Variants in EDARADD observed in about 807,000 individuals in gnomAD.
EDARADD encodes EDAR associated via death domain.
Under a neutral mutation model 25.6 loss-of-function variants are expected in EDARADD, and 20 were observed. The ratio of observed to expected loss-of-function variants is 0.78; its 90% confidence interval spans 0.55 to 1.14. The LOEUF (loss-of-function observed/expected upper bound fraction) is 1.14, where lower values mean the gene tolerates loss of function less well. EDARADD is among the 50% of genes most tolerant of loss of function. The probability of loss-of-function intolerance (pLI) is 0.00; values close to 1 mark genes in which losing one functional copy is unlikely to be tolerated. For synonymous variants in EDARADD, 86 were observed against 94.4 expected (o/e 0.91, Z 0.52); for missense variants, 225 against 270.1 (o/e 0.83, Z 1.17).
At position 236,483,200 on chromosome 1, in the gene EDARADD, T is replaced by C; in HGVS notation, c.*551T>C. ...TCAAGATCCATGCCAGGGAGCTCTT[T>C]GACTCTCGTGGGAATCCCACTGTTG... is the stretch of plus-strand genomic sequence containing the variant. On this transcript the variant is annotated 3_prime_UTR_variant, in exon 6 of 6. Coordinates refer to ENST00000334232, the MANE Select transcript of EDARADD (RefSeq NM_145861.4). 1.3e-6 allele frequency: 2 copies of C among 1,578,244 alleles called. No individual in the cohort carries two copies. The highest frequency in any genetic ancestry group is 1.7e-6 in the Non-Finnish European group (2 of 1,149,454).
intron 3 of EDARADD, among the ~76,000 whole-genome samples, chr1:236,364,983 A>AT (rs1360438263): frequency 1.3e-5 from 2 of 152,062 alleles, no homozygotes; most frequent in African/African-American, 4.8e-5. Flanking sequence ...GAAAATATTC[A>AT]TTTTTCACCA....
chr1:236,352,586 G>A (rs1666928928), intron 3 of EDARADD, among the ~76,000 whole-genome samples: 1 of 152,144 alleles, frequency 6.6e-6, no homozygotes, highest in African/African-American at 2.4e-5. Flanking sequence ...GGTGGCTTAC[G>A]CCTGTAATCC....
intron 4 of EDARADD, among the ~76,000 whole-genome samples, chr1:236,435,523 G>T (rs1035326544): frequency 6.6e-6 from 1 of 152,186 alleles, no homozygotes; most frequent in Non-Finnish European, 1.5e-5. Context: ...GGAAGGAATG[G>T]TCACCACCCT....
At chr1:236,393,662 G>T (rs1173896192), upstream of EDARADD, among the ~76,000 whole-genome samples, 4 of 152,034 alleles carry the variant, frequency 2.6e-5, no homozygotes, top group Admixed American at 6.5e-5. Context: ...CTCCCAAAGT[G>T]CTGGGGTTAC....
chr1:236,391,417 T>C (rs950778972), upstream of EDARADD, among the ~76,000 whole-genome samples: 1 of 152,146 alleles, frequency 6.6e-6, no homozygotes, highest in Middle Eastern at 3.2e-3. Context: ...ACTTAGTAAC[T>C]CTTGTTGGGG....
intron 5 of EDARADD, among the ~76,000 whole-genome samples, chr1:236,469,488 AAATAAT>A (rs373192177): frequency 3.3e-5 from 5 of 151,738 alleles, no homozygotes; most frequent in South Asian, 2.1e-4. Flanking sequence ...AATGCTAGCA[AAATAAT>A]AATAATAATA....
chr1:236,367,032 C>T (rs557589319), intron 3 of EDARADD, among the ~76,000 whole-genome samples: 52 of 139,120 alleles, frequency 3.7e-4, no homozygotes, highest in Non-Finnish European at 7.4e-4. Context: ...TGCAGTGAGC[C>T]GAGATTGTAC....
chr1:236,456,487 A>G (rs1280396720), intron 4 of EDARADD, among the ~76,000 whole-genome samples: 2 of 152,248 alleles, frequency 1.3e-5, no homozygotes, highest in South Asian at 2.1e-4. Context: ...TCCAAAACAG[A>G]TAATGATCTG....
intron 5 of EDARADD, among the ~76,000 whole-genome samples, chr1:236,478,307 A>G (rs1659564439): frequency 6.6e-6 from 1 of 151,650 alleles, no homozygotes. Flanking sequence ...CATAATCAGG[A>G]GAGTTGGGGA....
intron 5 of EDARADD, among the ~76,000 whole-genome samples, chr1:236,469,489 A>T (rs2103036296): frequency 6.7e-6 from 1 of 149,154 alleles, no homozygotes; most frequent in Middle Eastern, 3.5e-3. Flanking sequence ...ATGCTAGCAA[A>T]ATAATAATAA....
chr1:236,478,071 C>T (rs1659559005), intron 5 of EDARADD, among the ~76,000 whole-genome samples: 2 of 151,800 alleles, frequency 1.3e-5, no homozygotes, highest in African/African-American at 4.8e-5. Context: ...CCACTGCACT[C>T]CAGCCTGGAT....
rs528533410 is a variant in EDARADD at position 236,366,473 on chromosome 1, C to T, written c.-6+15634C>T. 2.6e-4 allele frequency among the ~76,000 whole-genome samples: 40 copies of T among 152,246 alleles called. No individual in the cohort carries two copies. In the South Asian group the frequency reaches 6.4e-3, roughly 24 times the overall value. On this transcript the variant is annotated intron_variant, in intron 3 of 7. Transcript: ENST00000439430. ...CACCTCTAATCTTTTCTGATAGTTC[C>T]GTCCTTGGCCTTGTGTAGATTCTCT...
At chr1:236,407,545 T>C (rs1395855631) in intron 1 of EDARADD, among the ~76,000 whole-genome samples, 6 of 152,214 alleles carry the variant, frequency 3.9e-5, no homozygotes. Context: ...TCTTGACAAA[T>C]TGTCCTGCTG....
chr1:236,396,437 T>C (rs565517005), intron 1 of EDARADD, among the ~76,000 whole-genome samples: 2 of 152,322 alleles, frequency 1.3e-5, no homozygotes, highest in East Asian at 3.9e-4. Context: ...GGGGCTTTAC[T>C]TGGTTTTGTT....
intron 1 of EDARADD, among the ~76,000 whole-genome samples, chr1:236,399,342 T>C (rs1370584148): frequency 6.6e-6 from 1 of 152,038 alleles, no homozygotes; most frequent in Non-Finnish European, 1.5e-5. Flanking sequence ...CCACCACCCC[T>C]GGCTAATTTT....
chr1:236,484,044 G>C lies in EDARADD; in HGVS notation c.*1395G>C. The C allele has an allele frequency of 6.4e-7, 1 of 1,560,400 alleles. No individual in the cohort carries two copies. The highest frequency in any genetic ancestry group is 1.1e-5 in the South Asian group (1 of 89,950). ...AAACTACCCAGTGGTGTCTACTGAA[G>C]ATCCCTTTGACCAGGATGACTGGGG... On this transcript the variant is annotated 3_prime_UTR_variant, in exon 6 of 6. Coordinates refer to ENST00000334232, the MANE Select transcript of EDARADD (RefSeq NM_145861.4). This position sits in a 1 kb window ranked among gnomAD's most constrained non-coding sequence, Gnocchi z 4.1.
At chr1:236,460,401 G>C (rs1487036754) in intron 4 of EDARADD, among the ~76,000 whole-genome samples, 1 of 151,784 alleles carries the variant, frequency 6.6e-6, no homozygotes, top group Non-Finnish European at 1.5e-5. Flanking sequence ...GCCCCGGCTG[G>C]TTTTGAACTT....
intron 2 of EDARADD, 128 bp downstream of exon 2, chr1:236,409,402 A>G: frequency 1.4e-6 from 1 of 709,328 alleles, no homozygotes; most frequent in Non-Finnish European, 2.4e-6. Flanking sequence ...TTTTTCTAAG[A>G]TAACTGCTTT....
chr1:236,351,708 C>CAAAAAAAA (rs35576705), intron 3 of EDARADD, among the ~76,000 whole-genome samples: 1 of 123,372 alleles, frequency 8.1e-6, no homozygotes, highest in Admixed American at 7.9e-5. Flanking sequence ...GACTCTGTCT[C>CAAAAAAAA]AAAAAAAAAA....
Sources: gnomAD v4.1 joint callset for allele counts (sites outside exome capture counted in the v4.1 genomes callset) on GRCh38, gnomAD v4.1.1 for gene constraint, Gnocchi (gnomAD v3.1) non-coding constraint, MANE v1.5 for transcripts, NCBI Gene and HGNC (gene_info 2026-07-23, HGNC 2026-07-21) for gene names.